PPIL1: variants seen among roughly 807,000 people sequenced by gnomAD.
The protein encoded by PPIL1 is peptidylprolyl isomerase like 1, also known as peptidyl-prolyl cis-trans isomerase-like 1.
In PPIL1, 14 loss-of-function variants were observed where a neutral mutation model predicts 19.4. The observed-to-expected ratio is 0.72, with a 90% CI of 0.48 to 1.13. PPIL1 has a LOEUF of 1.13. Among genes scored for constraint, PPIL1 ranks in the 50% most tolerant of loss-of-function variants. The pLI is 0.00. For synonymous variants in PPIL1, 72 were observed against 73.6 expected (o/e 0.98, Z 0.11); for missense variants, 192 against 218.0 (o/e 0.88, Z 0.75).
intron 2 of PPIL1, among the ~76,000 whole-genome samples, chr6:36,868,845 A>AAACAAC (rs373148463): frequency 1.3e-5 from 2 of 151,896 alleles, no homozygotes; most frequent in South Asian, 2.1e-4. Flanking sequence ...CTGTCTCCAA[A>AAACAAC]AACAACAACA....
intron 1 of PPIL1, among the ~76,000 whole-genome samples, chr6:36,873,421 A>T (rs1774559811): frequency 6.6e-6 from 1 of 152,218 alleles, no homozygotes; most frequent in Non-Finnish European, 1.5e-5. Flanking sequence ...TACAGAAAAA[A>T]CATACATACA....
Position 36,874,784 on chromosome 6 carries a change from C to A in PPIL1, c.-12G>T. ...GGAATTGCCGCCATAGCGAAGCCGG[C>A]GGCGGAATGCTTGTCTAGTAATTGC... On this transcript the variant is annotated 5_prime_UTR_variant, in exon 1 of 4. Transcript: ENST00000373699. The A allele has an allele frequency of 6.2e-7, 1 of 1,613,836 alleles. No homozygotes were observed. The highest frequency in any genetic ancestry group is 8.5e-7 in the Non-Finnish European group (1 of 1,179,864).
At chr6:36,864,253 T>A (rs952416307) in intron 2 of PPIL1, among the ~76,000 whole-genome samples, 38 of 152,066 alleles carry the variant, frequency 2.5e-4, no homozygotes, top group African/African-American at 8.7e-4. Context: ...AAACCCTCCA[T>A]CAACACTGTA....
In PPIL1 at chr6:36,854,987, TGGG is replaced by T. The variant is rs1473845287; in HGVS notation, c.*823_*825del. On this transcript the variant is annotated 3_prime_UTR_variant, in exon 4 of 4. Coordinates refer to ENST00000373699, the MANE Select transcript of PPIL1 (RefSeq NM_016059.5). Reference sequence around the variant, plus strand: ...CTTGGACCTAATTTCTCTAAAGTCTTGGGTTAAAAGAACTTGAGTGGCGCTTCT... The same window carrying T: ...CTTGGACCTAATTTCTCTAAAGTCTTTTAAAAGAACTTGAGTGGCGCTTCT... The T allele has an allele frequency of 6.6e-6, 1 of 152,652 alleles. No individual in the cohort carries two copies. The highest frequency in any genetic ancestry group is 2.4e-5 in the African/African-American group (1 of 41,462). 9.5% of individuals were successfully genotyped at this position (152,652 alleles called of 1,614,324 possible). A position where few individuals can be genotyped will look rare whatever the true frequency, so the allele number is the denominator to read the frequency against.
chr6:36,865,832 T>G (rs1366348269), intron 2 of PPIL1, among the ~76,000 whole-genome samples: 1 of 152,248 alleles, frequency 6.6e-6, no homozygotes, highest in South Asian at 2.1e-4. Context: ...TGGCTTTTAA[T>G]GCTTAAGTGC....
intron 2 of PPIL1, among the ~76,000 whole-genome samples, chr6:36,857,249 T>C (rs1011956600): frequency 5.9e-5 from 9 of 152,156 alleles, no homozygotes; most frequent in African/African-American, 1.7e-4. Flanking sequence ...ATAAAATTCA[T>C]TTAAGTTAAA....
chr6:36,871,646 G>T lies in PPIL1; in HGVS notation c.211+72C>A. On this transcript the variant is annotated intron_variant, in intron 2 of 3. Transcript: ENST00000373699. ...TACGACAGAGACTTCAGAAACTAAT[G>T]CTGGCTTTAGAAAAAAAGACGAAAA... 2.0e-6 allele frequency: 3 copies of T among 1,509,618 alleles called. No individual in the cohort carries two copies. In the South Asian group the frequency reaches 3.8e-5, roughly 19 times the overall value. 93.5% of individuals were successfully genotyped at this position (1,509,618 alleles called of 1,614,324 possible). A position where few individuals can be genotyped will look rare whatever the true frequency, so the allele number is the denominator to read the frequency against.
chr6:36,865,776 T>C (rs1332552921), intron 2 of PPIL1, among the ~76,000 whole-genome samples: 1 of 152,238 alleles, frequency 6.6e-6, no homozygotes, highest in Non-Finnish European at 1.5e-5. Flanking sequence ...AATGAATAGT[T>C]TGTTTCCTGG....
Position 36,874,761 on chromosome 6 carries a change from A to G in PPIL1, c.12T>C (p.Ile4=), listed in dbSNP as rs1307003470. The G allele has an allele frequency of 1.9e-6, 3 of 1,613,988 alleles. No individual in the cohort carries two copies. The highest frequency in any genetic ancestry group is 1.7e-5 in the Admixed American group (1 of 60,004). Residue 4 remains isoleucine, a synonymous_variant, in exon 1 of 4, where the codon ATT becomes ATC. Transcript: ENST00000373699. The part of the protein sequence containing the change: MAA[I]PPDSWQPPNV... ...TGGGTGGCTGCCAGGAATCTGGGGGAATTGCCGCCATAGCGAAGCCGGCGG... is the reference window on the plus strand; with the variant it reads ...TGGGTGGCTGCCAGGAATCTGGGGGGATTGCCGCCATAGCGAAGCCGGCGG...
At chr6:36,868,608 C>A (rs1233145138) in intron 2 of PPIL1, among the ~76,000 whole-genome samples, 1 of 152,150 alleles carries the variant, frequency 6.6e-6, no homozygotes, top group Non-Finnish European at 1.5e-5. Flanking sequence ...AAGGCCGAGG[C>A]AGGAGGATCA....
At chr6:36,867,387 T>C (rs997153115) in intron 2 of PPIL1, among the ~76,000 whole-genome samples, 8 of 152,158 alleles carry the variant, frequency 5.3e-5, no homozygotes, top group African/African-American at 1.7e-4. Flanking sequence ...CATGCTAAAA[T>C]TGTAAAAAGA....
intron 2 of PPIL1, among the ~76,000 whole-genome samples, chr6:36,869,611 C>T (rs904801663): frequency 1.3e-5 from 2 of 152,088 alleles, no homozygotes; most frequent in African/African-American, 4.8e-5. Context: ...GACAAGAAAT[C>T]CTGCCCTCCA....
chr6:36,864,720 A>ACCC (rs1774361605), intron 2 of PPIL1, among the ~76,000 whole-genome samples: 1 of 152,008 alleles, frequency 6.6e-6, no homozygotes, highest in Non-Finnish European at 1.5e-5. Flanking sequence ...ACAGGACAGC[A>ACCC]CCCCCTCCAA....
intron 2 of PPIL1, among the ~76,000 whole-genome samples, chr6:36,861,923 T>A (rs939886175): frequency 1.3e-5 from 2 of 152,176 alleles, no homozygotes; most frequent in African/African-American, 4.8e-5. Context: ...CTCAAACTCC[T>A]GACCTCAGGT....
chr6:36,866,710 G>T (rs1299608745), intron 2 of PPIL1, among the ~76,000 whole-genome samples: 1 of 152,080 alleles, frequency 6.6e-6, no homozygotes, highest in African/African-American at 2.4e-5. Context: ...CAGTTCACTG[G>T]TATTAAGAAT....
At chr6:36,873,234 G>C (rs1430209903) in intron 1 of PPIL1, among the ~76,000 whole-genome samples, 1 of 152,098 alleles carries the variant, frequency 6.6e-6, no homozygotes, top group Non-Finnish European at 1.5e-5. Flanking sequence ...GTATCCTCTA[G>C]GAAAATATAC....
intron 2 of PPIL1, among the ~76,000 whole-genome samples, chr6:36,865,165 AT>A (rs1199691668): frequency 6.6e-6 from 1 of 152,186 alleles, no homozygotes; most frequent in African/African-American, 2.4e-5. Flanking sequence ...GTAAGTATTC[AT>A]GTGAAGCACA....
At chr6:36,856,755 A>AG (rs1306092705) in intron 2 of PPIL1, 101 bp from the exon 3 acceptor site, 1 of 1,075,942 alleles carries the variant, frequency 9.3e-7, no homozygotes, top group Middle Eastern at 2.0e-4. Flanking sequence ...AGTAGAGGAA[A>AG]GGAAAAGGCA....
intron 2 of PPIL1, 62 bp downstream of exon 2, chr6:36,871,656 G>GA: frequency 6.5e-7 from 1 of 1,531,944 alleles, no homozygotes; most frequent in East Asian, 2.4e-5. Context: ...GCTGGCTTTA[G>GA]AAAAAAAGAC....
Sources: gnomAD v4.1 joint callset for allele counts (sites outside exome capture counted in the v4.1 genomes callset) on GRCh38, gnomAD v4.1.1 for gene constraint, MANE v1.5 for transcripts, NCBI Gene and HGNC (gene_info 2026-07-23, HGNC 2026-07-21) for gene names.